NRXN1: variants seen among roughly 807,000 people sequenced by gnomAD.
The protein encoded by NRXN1 is neurexin 1.
Under a neutral mutation model 150.9 loss-of-function variants are expected in NRXN1, and 39 were observed. The observed-to-expected ratio is 0.26, with a 90% CI of 0.20 to 0.34. The LOEUF (loss-of-function observed/expected upper bound fraction) is 0.34. Among genes scored for constraint, NRXN1 ranks in the 10% least tolerant of loss-of-function variants. NRXN1 has a pLI of 1.00. For missense variants in NRXN1, 1,815 were observed against 1,949.9 expected, an observed-to-expected ratio of 0.93 and a Z score of 1.30; for synonymous variants, 924 against 757.0, an observed-to-expected ratio of 1.22 and a Z score of -3.62.
chr2:50,628,246 T>C (rs917738561), intron 5 of NRXN1, among the ~76,000 whole-genome samples: 6 of 151,858 alleles, frequency 4.0e-5, no homozygotes, highest in African/African-American at 1.4e-4. Context: ...TTTGAAGTTA[T>C]ATGGGTGTTG....
At chr2:50,524,520 T>C (rs201589760) in intron 12 of NRXN1, among the ~76,000 whole-genome samples, 1 of 137,306 alleles carries the variant, frequency 7.3e-6, no homozygotes, top group African/African-American at 2.6e-5. Context: ...AATAAATAAA[T>C]AAAATAAAAT....
At chr2:50,932,457 T>C (rs1416439675) in intron 2 of NRXN1, among the ~76,000 whole-genome samples, 2 of 152,250 alleles carry the variant, frequency 1.3e-5, no homozygotes, top group African/African-American at 2.4e-5. Flanking sequence ...TGCCATTCTG[T>C]ATCTTTTAAG....
intron 2 of NRXN1, among the ~76,000 whole-genome samples, chr2:50,953,509 T>C (rs1403101903): frequency 6.6e-6 from 1 of 151,666 alleles, no homozygotes; most frequent in Non-Finnish European, 1.5e-5. Flanking sequence ...AGAAAAAAGC[T>C]ACAACAAGAA....
chr2:50,376,591 A>AT (rs914320243), intron 17 of NRXN1, among the ~76,000 whole-genome samples: 1 of 152,044 alleles, frequency 6.6e-6, no homozygotes, highest in Non-Finnish European at 1.5e-5. Context: ...GAGCAAATAT[A>AT]TTTTTCCCAC....
intron 18 of NRXN1, among the ~76,000 whole-genome samples, chr2:50,145,235 C>G (rs1707831900): frequency 6.6e-6 from 1 of 151,606 alleles, no homozygotes; most frequent in Non-Finnish European, 1.5e-5. Flanking sequence ...TCACCTATTA[C>G]TAAAATTTAA....
At chr2:49,996,110 G>A (rs1178003322) in intron 21 of NRXN1, among the ~76,000 whole-genome samples, 1 of 152,090 alleles carries the variant, frequency 6.6e-6, no homozygotes, top group African/African-American at 2.4e-5. Flanking sequence ...GGTGTAGAAG[G>A]GGAGAACACA....
intron 21 of NRXN1, among the ~76,000 whole-genome samples, chr2:49,981,985 T>C (rs886376958): frequency 2.0e-5 from 3 of 152,102 alleles, no homozygotes; most frequent in Non-Finnish European, 4.4e-5. Context: ...AAAATCTATA[T>C]GTATAACATG....
At chr2:50,406,928 A>G (rs1318154139) in intron 17 of NRXN1, among the ~76,000 whole-genome samples, 1 of 152,160 alleles carries the variant, frequency 6.6e-6, no homozygotes, top group East Asian at 1.9e-4. Context: ...TTGATTGATC[A>G]TCCTGGGAAA....
chr2:50,417,912 C>T (rs1450271146), intron 17 of NRXN1, among the ~76,000 whole-genome samples: 1 of 151,686 alleles, frequency 6.6e-6, no homozygotes. Flanking sequence ...GATAAGAAGG[C>T]TAAAATATCA....
chr2:50,083,606 G>A (rs1208755482), intron 19 of NRXN1, among the ~76,000 whole-genome samples: 2 of 152,128 alleles, frequency 1.3e-5, no homozygotes, highest in Admixed American at 1.3e-4. Flanking sequence ...CCCAGCAGGT[G>A]GCCAGGGCTG....
intron 18 of NRXN1, among the ~76,000 whole-genome samples, chr2:50,234,013 T>TTTCTTTC (rs2065194501): frequency 6.6e-6 from 1 of 152,040 alleles, no homozygotes; most frequent in Non-Finnish European, 1.5e-5. Flanking sequence ...CCTCCCTTTC[T>TTTCTTTC]TTCTTTCTTC....
chr2:50,653,976 C>CTTTTTTTT (rs35931647), intron 5 of NRXN1, among the ~76,000 whole-genome samples: 1 of 127,406 alleles, frequency 7.8e-6, no homozygotes, highest in Non-Finnish European at 1.6e-5. Flanking sequence ...GCCTTTTCAT[C>CTTTTTTTT]TTTTTTTTTT....
At chr2:50,686,741 G>C (rs758802153) in intron 5 of NRXN1, among the ~76,000 whole-genome samples, 6 of 152,156 alleles carry the variant, frequency 3.9e-5, no homozygotes, top group Non-Finnish European at 8.8e-5. Flanking sequence ...AAAGGTAACG[G>C]GTAGAGACTG....
At chr2:50,334,431 A>G (rs905761936) in intron 17 of NRXN1, among the ~76,000 whole-genome samples, 6 of 151,990 alleles carry the variant, frequency 3.9e-5, no homozygotes, top group Non-Finnish European at 8.8e-5. Flanking sequence ...CTTTCTCTCT[A>G]TTTACCACAT....
chr2:50,636,691 AC>A (rs1291093400), intron 5 of NRXN1, among the ~76,000 whole-genome samples: 1 of 152,186 alleles, frequency 6.6e-6, no homozygotes, highest in Non-Finnish European at 1.5e-5. Flanking sequence ...GTGAGGACTT[AC>A]AAATTCAGAA....
chr2:50,363,231 A>G (rs1300511090), intron 17 of NRXN1, among the ~76,000 whole-genome samples: 1 of 152,240 alleles, frequency 6.6e-6, no homozygotes, highest in East Asian at 1.9e-4. Context: ...AAAAGCCAAA[A>G]TTGACAAATG....
chr2:50,534,935 A>G (rs1394593602), intron 10 of NRXN1, among the ~76,000 whole-genome samples: 1 of 152,206 alleles, frequency 6.6e-6, no homozygotes, highest in Non-Finnish European at 1.5e-5. Flanking sequence ...AATCAGAATC[A>G]TTAGCCTTTA....
chr2:50,366,388 A>G (rs2079585320), intron 17 of NRXN1, among the ~76,000 whole-genome samples: 1 of 151,926 alleles, frequency 6.6e-6, no homozygotes, highest in South Asian at 2.1e-4. Flanking sequence ...TTTTTGGAGT[A>G]GCCCTGTCCT....
intron 12 of NRXN1, among the ~76,000 whole-genome samples, chr2:50,508,687 A>T (rs1242971355): frequency 6.6e-6 from 1 of 152,152 alleles, no homozygotes. Context: ...GTTATACCCC[A>T]TCCTTGGCTT....
Sources: allele counts gnomAD v4.1 joint callset (sites outside exome capture counted in the v4.1 genomes callset), GRCh38; gene constraint gnomAD v4.1.1; transcripts MANE v1.5; gene names NCBI Gene and HGNC (gene_info 2026-07-23, HGNC 2026-07-21).